Variants in SLC44A5 observed in about 807,000 individuals in gnomAD.
SLC44A5 encodes the protein solute carrier family 44 member 5, also known as choline transporter-like protein 5.
A neutral mutation model predicts 101.8 loss-of-function variants in SLC44A5; 57 were observed. That is an observed-to-expected ratio of 0.56 (90% CI 0.45 to 0.70). SLC44A5 has a LOEUF of 0.70. Ranked by LOEUF, SLC44A5 falls within the 30% of genes least tolerant of loss-of-function variation. SLC44A5 has a pLI of 0.00. For synonymous variants in SLC44A5, 281 were observed against 290.9 expected, an observed-to-expected ratio of 0.97 and a Z score of 0.35; for missense variants, 737 against 853.1, an observed-to-expected ratio of 0.86 and a Z score of 1.70.
chr1:75,333,961 G>A (rs1029658122), intron 4 of SLC44A5, among the ~76,000 whole-genome samples: 1 of 152,078 alleles, frequency 6.6e-6, no homozygotes, highest in Non-Finnish European at 1.5e-5. Flanking sequence ...CAGGGACTTT[G>A]CATTTGTTAT....
chr1:75,668,838 T>C, the SLC44A5 span, among the ~76,000 whole-genome samples: 1 of 150,994 alleles, frequency 6.6e-6, no homozygotes, highest in Non-Finnish European at 1.5e-5. Flanking sequence ...CTATTAAAAA[T>C]ACAAAAACTA....
At chr1:75,547,975 G>C (rs577677745) in intron 1 of SLC44A5, among the ~76,000 whole-genome samples, 1 of 152,278 alleles carries the variant, frequency 6.6e-6, no homozygotes, top group Admixed American at 6.5e-5. Flanking sequence ...TGGGCTAAAT[G>C]GCTGGTATCA....
In SLC44A5 at chr1:75,279,243, T is replaced by C. The variant is rs182424071; in HGVS notation, c.176-4201A>G. On this transcript the variant is annotated intron_variant, in intron 5 of 23. Coordinates refer to ENST00000370859, the MANE Select transcript of SLC44A5 (RefSeq NM_001130058.2). ...GCCCCTGCTAACCACCATTCTACTC[T>C]GTACCTCCATGAGATCCACTTTTTT... Among the ~76,000 whole-genome samples the C allele has an allele frequency of 1.9e-3, 289 of 152,252 alleles. 1 individual carries two copies. Among genetic ancestry groups the C allele is most frequent in the African/African-American group, 6.5e-3 (271 of 41,554 alleles).
chr1:75,656,630 T>G, the SLC44A5 span, among the ~76,000 whole-genome samples: 1 of 152,200 alleles, frequency 6.6e-6, no homozygotes, highest in Admixed American at 6.5e-5. Flanking sequence ...AAGATTTTTT[T>G]GTAAGCCCCA....
chr1:75,225,288 G>A (rs998764692), intron 13 of SLC44A5, among the ~76,000 whole-genome samples: 9 of 152,152 alleles, frequency 5.9e-5, no homozygotes, highest in South Asian at 2.1e-4. Flanking sequence ...AGGCCATTAC[G>A]TGTAGCCTAA....
chr1:75,584,347 A>G (rs1673873786), intron 1 of SLC44A5, among the ~76,000 whole-genome samples: 1 of 152,206 alleles, frequency 6.6e-6, no homozygotes, highest in African/African-American at 2.4e-5. Context: ...GCACTGGCAA[A>G]CTAGTCTAGG....
intron 2 of SLC44A5, among the ~76,000 whole-genome samples, chr1:75,523,395 C>T (rs1670246228): frequency 6.6e-6 from 1 of 152,186 alleles, no homozygotes; most frequent in Admixed American, 6.5e-5. Flanking sequence ...CCACTGCAAC[C>T]TCCACCTCCC....
intron 2 of SLC44A5, among the ~76,000 whole-genome samples, chr1:75,517,514 C>G (rs1669902184): frequency 6.6e-6 from 1 of 151,644 alleles, no homozygotes; most frequent in African/African-American, 2.4e-5. Context: ...AAGCAAAAGG[C>G]GGGAAGAAAA....
chr1:75,563,371 C>T (rs530675684), intron 1 of SLC44A5, among the ~76,000 whole-genome samples: 71 of 151,824 alleles, frequency 4.7e-4, no homozygotes, highest in African/African-American at 1.6e-3. Context: ...AAATGTGTCA[C>T]ACCTAAACAA....
In SLC44A5 at chr1:75,387,074, G is replaced by C. The variant is rs1050029906; in HGVS notation, c.52+9509C>G. On this transcript the variant is annotated intron_variant, in intron 3 of 23. Transcript: ENST00000370859. The stretch of plus-strand genomic sequence containing the variant: ...AAAAATCAATTCAAGATGGATTAAA[G>C]ACTTACAAGTTAGACCTAAAACCAT... 5.3e-5 allele frequency among the ~76,000 whole-genome samples: 8 copies of C among 152,112 alleles called. No individual in the cohort carries two copies. The South Asian group carries it at 1.7e-3, about 32-fold the overall frequency.
the SLC44A5 span, among the ~76,000 whole-genome samples, chr1:75,627,906 G>C: frequency 6.8e-6 from 1 of 147,148 alleles, no homozygotes; most frequent in Non-Finnish European, 1.5e-5. Context: ...AGTATGAGTT[G>C]AAAGAGAATT....
Position 75,237,056 on chromosome 1 carries a change from A to G in SLC44A5, c.671T>C (p.Leu224Pro). 6.2e-7 allele frequency: 1 copy of G among 1,601,434 alleles called. No individual in the cohort carries two copies. The highest frequency in any genetic ancestry group is 8.5e-7 in the Non-Finnish European group (1 of 1,170,460). ...LGIAANGINK[L>P]LDAKSLGLKV... ...CAATCCAAGTGACTTTGCATCAAGA[A>G]GTTTATTGATACCACTGCATTGAAA... Residue 224 changes from leucine (L) to proline (P), a missense_variant, in exon 11 of 24, where the codon CTT (leucine) becomes CCT (proline). Physicochemically the swap from Leu to Pro is moderately conservative, Grantham distance 98. Transcript: ENST00000370859.
chr1:75,209,516 T>C (rs1417135810), intron 23 of SLC44A5, among the ~76,000 whole-genome samples: 1 of 152,218 alleles, frequency 6.6e-6, no homozygotes, highest in African/African-American at 2.4e-5. Flanking sequence ...TGTAGATAGA[T>C]GGCTTTCCTT....
the SLC44A5 span, among the ~76,000 whole-genome samples, chr1:75,690,172 TCA>T: frequency 6.6e-6 from 1 of 152,190 alleles, no homozygotes; most frequent in African/African-American, 2.4e-5. Context: ...TTTAACTGAC[TCA>T]CAGTTCTGCA....
At chr1:75,428,973 T>C (rs943187981) in intron 2 of SLC44A5, among the ~76,000 whole-genome samples, 1 of 152,214 alleles carries the variant, frequency 6.6e-6, no homozygotes, top group Non-Finnish European at 1.5e-5. Flanking sequence ...AGGTGGTCAC[T>C]AAATACATTA....
At chr1:75,677,397 A>G in the SLC44A5 span, among the ~76,000 whole-genome samples, 2 of 152,214 alleles carry the variant, frequency 1.3e-5, no homozygotes, top group African/African-American at 4.8e-5. Flanking sequence ...GCAATCAGTG[A>G]TAAGTTGTTA....
intron 3 of SLC44A5, among the ~76,000 whole-genome samples, chr1:75,372,488 AATC>A (rs1660294581): frequency 6.6e-6 from 1 of 151,984 alleles, no homozygotes; most frequent in African/African-American, 2.4e-5. Flanking sequence ...ATTAGGAGGA[AATC>A]ATCATGACAA....
At chr1:75,357,290 G>T in intron 3 of SLC44A5, 1 of 452,266 alleles carries the variant, frequency 2.2e-6, no homozygotes, top group South Asian at 1.6e-5. Flanking sequence ...GGAGGCTCAG[G>T]CAGCCTGTGA....
chr1:75,722,989 T>C, the SLC44A5 span, among the ~76,000 whole-genome samples: 1 of 152,250 alleles, frequency 6.6e-6, no homozygotes, highest in Non-Finnish European at 1.5e-5. Context: ...GGCCATAGCC[T>C]GTTTTCTTCC....
Sources: gnomAD v4.1 joint callset for allele counts (sites outside exome capture counted in the v4.1 genomes callset) on GRCh38, gnomAD v4.1.1 for gene constraint, MANE v1.5 for transcripts, NCBI Gene and HGNC (gene_info 2026-07-23, HGNC 2026-07-21) for gene names.